The following TNFSF4 variants were observed in gnomAD, a reference collection of about 807,000 sequenced individuals.
TNFSF4 encodes the protein TNF superfamily member 4, also known as tumor necrosis factor ligand superfamily member 4.
In TNFSF4, 4 loss-of-function variants were observed where a neutral mutation model predicts 7.3. The observed-to-expected ratio is 0.55, with a 90% CI of 0.27 to 1.25. The LOEUF (loss-of-function observed/expected upper bound fraction) is 1.25. Among genes scored for constraint, TNFSF4 ranks in the 50% most tolerant of loss-of-function variants. The probability of loss-of-function intolerance (pLI) is 0.12; values close to 1 mark genes in which losing one functional copy is unlikely to be tolerated. For missense variants in TNFSF4, 181 were observed against 208.8 expected, an observed-to-expected ratio of 0.87 and a Z score of 0.82; for synonymous variants, 76 against 83.7, an observed-to-expected ratio of 0.91 and a Z score of 0.50.
chr1:173,297,725 G>A, the TNFSF4 span, among the ~76,000 whole-genome samples: 1 of 151,926 alleles, frequency 6.6e-6, no homozygotes, highest in Admixed American at 6.6e-5. Flanking sequence ...ATAAATGAAT[G>A]AATGAATGAG....
Position 173,205,249 on chromosome 1 carries a change from T to C in TNFSF4, c.153+1775A>G, listed in dbSNP as rs928208770. 3.8e-6 allele frequency: 6 copies of C among 1,596,764 alleles called. No individual in the cohort carries two copies. The African/African-American group carries it at 4.0e-5, about 11-fold the overall frequency. ...GCAAACAACTCAAATATACCACCTA[T>C]GTCTTGCTTCCATCTCTGTGCCAGG... On this transcript the variant is annotated intron_variant, in intron 1 of 2. Coordinates refer to ENST00000281834, the MANE Select transcript of TNFSF4 (RefSeq NM_003326.5).
At chr1:173,191,031 C>A (rs1054291009) in intron 1 of TNFSF4, among the ~76,000 whole-genome samples, 1 of 152,182 alleles carries the variant, frequency 6.6e-6, no homozygotes, top group Admixed American at 6.5e-5. Flanking sequence ...TCCTCATTCC[C>A]AAATTTACTT....
At chr1:173,202,963 T>A (rs566979299) in intron 1 of TNFSF4, among the ~76,000 whole-genome samples, 1 of 110,996 alleles carries the variant, frequency 9.0e-6, no homozygotes, top group African/African-American at 2.7e-5. Flanking sequence ...CAGCCCTCCC[T>A]CCTCCCTCCT....
the TNFSF4 span, among the ~76,000 whole-genome samples, chr1:173,434,899 A>G: frequency 2.6e-5 from 4 of 152,356 alleles, no homozygotes; most frequent in South Asian, 2.1e-4. Context: ...CCCATGGGAC[A>G]AAATAGTGAA....
the TNFSF4 span, among the ~76,000 whole-genome samples, chr1:173,289,963 C>T: frequency 1.3e-5 from 2 of 149,914 alleles, no homozygotes; most frequent in Non-Finnish European, 3.0e-5. Context: ...AAAAAAAAAT[C>T]TGAAGAAATA....
chr1:173,184,834 C>T lies in TNFSF4; in HGVS notation c.*1682G>A, dbSNP rs1571179590. The T allele has an allele frequency of 6.6e-6, 1 of 151,806 alleles. No individual in the cohort carries two copies. Among genetic ancestry groups the T allele is most frequent in the African/African-American group, 2.4e-5 (1 of 41,272 alleles). 9.4% of individuals were successfully genotyped at this position (151,806 alleles called of 1,614,324 possible). On this transcript the variant is annotated 3_prime_UTR_variant, in exon 3 of 3. Coordinates refer to ENST00000281834, the MANE Select transcript of TNFSF4 (RefSeq NM_003326.5). ...CCCAGTGCCTGGTCCACAGTAGGCC[C>T]TCCATAAATATTTAGCCATGATTAT...
chr1:173,243,245 T>C, the TNFSF4 span, among the ~76,000 whole-genome samples: 1 of 152,186 alleles, frequency 6.6e-6, no homozygotes, highest in East Asian at 1.9e-4. Flanking sequence ...TCAATAAAAC[T>C]ACTGATCCAG....
chr1:173,442,891 G>T, the TNFSF4 span, among the ~76,000 whole-genome samples: 1 of 151,758 alleles, frequency 6.6e-6, no homozygotes, highest in Admixed American at 6.6e-5. Flanking sequence ...CACCACGTTG[G>T]CCTGGCTGGT....
the TNFSF4 span, among the ~76,000 whole-genome samples, chr1:173,301,099 C>T: frequency 1.3e-5 from 2 of 151,920 alleles, no homozygotes; most frequent in Non-Finnish European, 2.9e-5. Flanking sequence ...TACTGCTGGA[C>T]TAGTTGAATT....
At chr1:173,236,756 T>C in the TNFSF4 span, among the ~76,000 whole-genome samples, 1 of 152,086 alleles carries the variant, frequency 6.6e-6, no homozygotes, top group Non-Finnish European at 1.5e-5. Flanking sequence ...CACCAGATAT[T>C]TTTACCCATA....
chr1:173,177,781 A>C, the TNFSF4 span, among the ~76,000 whole-genome samples: 1 of 152,064 alleles, frequency 6.6e-6, no homozygotes. Context: ...ACTTAAAAAA[A>C]CAACTTGCAT....
chr1:173,398,579 C>T, the TNFSF4 span, among the ~76,000 whole-genome samples: 58 of 152,042 alleles, frequency 3.8e-4, no homozygotes, highest in African/African-American at 1.4e-3. Flanking sequence ...CACCCACCAC[C>T]ACACCCAGCT....
At position 173,184,691 on chromosome 1, in the gene TNFSF4, A is replaced by C. The variant is rs557937858; in HGVS notation, c.*1825T>G. On this transcript the variant is annotated 3_prime_UTR_variant, in exon 3 of 3. Coordinates refer to ENST00000281834, the MANE Select transcript of TNFSF4 (RefSeq NM_003326.5). Reference sequence around the variant, plus strand: ...AATTTTGCAGAACATGGTCAATAACAAAAAGTGAAATACACACACACACAC... The same window carrying C: ...AATTTTGCAGAACATGGTCAATAACCAAAAGTGAAATACACACACACACAC... 8.6e-5 allele frequency: 13 copies of C among 151,358 alleles called. No individual in the cohort carries two copies. Among genetic ancestry groups the C allele is most frequent in the African/African-American group, 3.1e-4 (13 of 41,510 alleles). 9.4% of individuals were successfully genotyped at this position (151,358 alleles called of 1,614,324 possible). A position where few individuals can be genotyped will look rare whatever the true frequency, so the allele number is the denominator to read the frequency against.
At chr1:173,310,747 A>G in the TNFSF4 span, among the ~76,000 whole-genome samples, 1 of 150,976 alleles carries the variant, frequency 6.6e-6, no homozygotes, top group Non-Finnish European at 1.5e-5. Flanking sequence ...AAGACTGTGG[A>G]TTTCTCTATT....
the TNFSF4 span, among the ~76,000 whole-genome samples, chr1:173,403,669 C>T: frequency 1.3e-5 from 2 of 152,094 alleles, no homozygotes; most frequent in Non-Finnish European, 2.9e-5. Context: ...TTTGGGAGGC[C>T]AAGGCAGGTG....
chr1:173,218,609 A>G, the TNFSF4 span, among the ~76,000 whole-genome samples: 1 of 152,156 alleles, frequency 6.6e-6, no homozygotes, highest in Non-Finnish European at 1.5e-5. Flanking sequence ...AATTTAAAAA[A>G]AAAAAATTCC....
the TNFSF4 span, among the ~76,000 whole-genome samples, chr1:173,267,687 T>C: frequency 6.6e-6 from 1 of 152,196 alleles, no homozygotes; most frequent in African/African-American, 2.4e-5. Context: ...CAGCCAGGGC[T>C]ACAGTCATTT....
At chr1:173,173,591 A>T in the TNFSF4 span, among the ~76,000 whole-genome samples, 1 of 152,216 alleles carries the variant, frequency 6.6e-6, no homozygotes, top group Non-Finnish European at 1.5e-5. Context: ...CATCCTCTGA[A>T]ATCTAGGCAG....
At chr1:173,179,513 C>T (rs149692902), downstream of TNFSF4, among the ~76,000 whole-genome samples, 1 of 152,148 alleles carries the variant, frequency 6.6e-6, no homozygotes, top group African/African-American at 2.4e-5. Flanking sequence ...CTATACACAC[C>T]CCTTTAATCA....
Sources: allele counts gnomAD v4.1 joint callset (sites outside exome capture counted in the v4.1 genomes callset), GRCh38; gene constraint gnomAD v4.1.1; transcripts MANE v1.5; gene names NCBI Gene and HGNC (gene_info 2026-07-23, HGNC 2026-07-21).